MDN1: variants seen among roughly 807,000 people sequenced by gnomAD.
MDN1 encodes the protein midasin AAA ATPase 1.
A neutral mutation model predicts 669.2 loss-of-function variants in MDN1; 266 were observed. That is an observed-to-expected ratio of 0.40 (90% CI 0.36 to 0.44). The LOEUF (loss-of-function observed/expected upper bound fraction) is 0.44, where lower values mean the gene tolerates loss of function less well. Ranked by LOEUF, MDN1 falls within the 20% of genes least tolerant of loss-of-function variation. The pLI, the probability that MDN1 is intolerant of heterozygous loss-of-function variation, is 1.00. For synonymous variants in MDN1, 2,385 were observed against 2,457.1 expected (o/e 0.97, Z 0.87); for missense variants, 5,940 against 6,754.0 (o/e 0.88, Z 4.22).
intron 91 of MDN1, 110 bp downstream of exon 91, chr6:89,656,590 C>CA (rs1439327215): frequency 5.6e-6 from 5 of 896,652 alleles, no homozygotes; most frequent in Non-Finnish European, 6.8e-6. Context: ...GCAACAACAA[C>CA]AAAAAAACCA....
chr6:89,774,170 A>G (rs1342857968), intron 13 of MDN1, among the ~76,000 whole-genome samples: 1 of 152,194 alleles, frequency 6.6e-6, no homozygotes, highest in Non-Finnish European at 1.5e-5. Flanking sequence ...GCCCTAGGAT[A>G]CTAATATATT....
At chr6:89,812,656 A>T (rs1187868518) in intron 1 of MDN1, among the ~76,000 whole-genome samples, 1 of 141,130 alleles carries the variant, frequency 7.1e-6, no homozygotes, top group African/African-American at 2.5e-5. Flanking sequence ...AATTAAAAGG[A>T]TAAGGCAACT....
At chr6:89,727,519 T>C (rs943087434) in intron 37 of MDN1, among the ~76,000 whole-genome samples, 1 of 152,162 alleles carries the variant, frequency 6.6e-6, no homozygotes, top group African/African-American at 2.4e-5. Flanking sequence ...ACGCTATTTA[T>C]AAAATGCCTC....
At chr6:89,713,898 C>T (rs1220956431) in intron 46 of MDN1, among the ~76,000 whole-genome samples, 6 of 151,688 alleles carry the variant, frequency 4.0e-5, no homozygotes, top group East Asian at 1.9e-4. Flanking sequence ...ATTAGCCGGG[C>T]GTGGTGGCAG....
rs187562691 is a variant in MDN1 at position 89,803,727 on chromosome 6, G to T, written c.103-173C>A. Reference sequence around the variant, plus strand: ...CGCCCAAGTAGCTGGGACTACAGGCGCCCGCCACCATACCCGGCTAATTTT... The same window carrying T: ...CGCCCAAGTAGCTGGGACTACAGGCTCCCGCCACCATACCCGGCTAATTTT... On this transcript the variant is annotated intron_variant, in intron 1 of 101. Coordinates refer to ENST00000369393, the MANE Select transcript of MDN1 (RefSeq NM_014611.3). Among the ~76,000 whole-genome samples the T allele has an allele frequency of 3.0e-3, 458 of 151,414 alleles. 3 individuals are homozygous for T. Among genetic ancestry groups the T allele is most frequent in the African/African-American group, 0.011 (441 of 41,250 alleles).
rs144102084 is a variant in MDN1, at chr6:89,793,853, T to C, written c.764A>G (p.Gln255Arg). The part of the protein sequence containing the change: ...WRKQKELQYL[Q>R]GHLVSSDLSP... ...GAGGTCAGACGAAACAAGATGTCCC[T>C]GTAAGTACTGCAGCTCCTTCTGCTT... Residue 255 changes from glutamine (Q) to arginine (R), a missense_variant, in exon 5 of 102, where the codon CAG becomes CGG. This residue lies in a region of MDN1 where 1,203 missense variants were observed against 1,268.9 expected (regional missense o/e 0.95). Transcript: ENST00000369393. The C allele has an allele frequency of 1.5e-5, 25 of 1,614,188 alleles. 1 individual carries two copies. Among genetic ancestry groups the C allele is most frequent in the Admixed American group, 3.3e-5 (2 of 60,024 alleles).
At chr6:89,809,102 A>G (rs1327485119) in intron 1 of MDN1, among the ~76,000 whole-genome samples, 1 of 151,122 alleles carries the variant, frequency 6.6e-6, no homozygotes, top group African/African-American at 2.4e-5. Flanking sequence ...CTGTAATCCC[A>G]GCTACCAGGG....
chr6:89,707,370 A>C lies in MDN1; in HGVS notation c.8005T>G (p.Phe2669Val). ...RESVLRMSFE[F>V]HQDPESYHTL... ...AGGTAAATGTTCTTACCTTGATGGA[A>C]TTCAAAGGACATTCTCAAAACACTC... The change falls in exon 52 of 102, where the codon TTC becomes GTC. Residue 2669 changes from phenylalanine (F) to valine (V), a missense_variant. By Grantham distance (50) the Phe-to-Val change is conservative. Transcript: ENST00000369393. The C allele has an allele frequency of 1.2e-6, 2 of 1,606,646 alleles. No individual in the cohort carries two copies. The highest frequency in any genetic ancestry group is 1.7e-6 in the Non-Finnish European group (2 of 1,173,172).
At position 89,776,692 on chromosome 6, in the gene MDN1, G is replaced by A. The variant is rs1303655234; in HGVS notation, c.1729C>T (p.Leu577=). ...GAAAGCATTGCTGTGAAACAGTCTA[G>A]AGCCTATTAAAATAACCAAGGTAAA... The part of the protein sequence containing the change: ...SASLNIFQEA[L]DCFTAMLSEH... The change falls in exon 12 of 102, where the codon CTA becomes TTA. Residue 577 remains leucine (L), a synonymous_variant. Coordinates refer to ENST00000369393, the MANE Select transcript of MDN1 (RefSeq NM_014611.3). 6.3e-7 allele frequency: 1 copy of A among 1,586,878 alleles called. No individual in the cohort carries two copies. Among genetic ancestry groups the A allele is most frequent in the Non-Finnish European group, 8.6e-7 (1 of 1,166,970 alleles).
intron 55 of MDN1, 24 bp from the exon 56 acceptor site, chr6:89,700,880 G>A (rs748984717): frequency 1.1e-5 from 18 of 1,605,948 alleles, no homozygotes; most frequent in Non-Finnish European, 1.4e-5. Context: ...ACCCACAAGA[G>A]CATACTATAG....
intron 83 of MDN1, among the ~76,000 whole-genome samples, chr6:89,670,155 TA>T (rs1288440085): frequency 6.1e-4 from 14 of 23,100 alleles, no homozygotes; most frequent in African/African-American, 5.2e-4. Flanking sequence ...TATATATATA[TA>T]TATATATATA....
chr6:89,658,752 C>T lies in MDN1; in HGVS notation c.14879G>A (p.Gly4960Glu), dbSNP rs749597241. 3 of 1,614,156 alleles carry T rather than the reference C, an allele frequency of 1.9e-6. No individual in the cohort carries two copies. The South Asian group carries it at 3.3e-5, about 18-fold the overall frequency. The part of the protein sequence containing the change: ...KAEGEEEMDT[G>E]ADDQDGDAAQ... Reference sequence around the variant, plus strand: ...AGCATCTCCATCTTGGTCATCAGCTCCTGTGTCCATTTCCTCTTCCCCTTC... The same window carrying T: ...AGCATCTCCATCTTGGTCATCAGCTTCTGTGTCCATTTCCTCTTCCCCTTC... Residue 4960 changes from glycine (G) to glutamate (E), a missense_variant, in exon 89 of 102, where the codon GGA (glycine) becomes GAA (glutamate). Gly to Glu is a moderately conservative substitution (Grantham distance 98). Transcript: ENST00000369393.
At position 89,745,361 on chromosome 6, in the gene MDN1, C is replaced by T. The variant is rs114853466; in HGVS notation, c.4090G>A (p.Val1364Met). 20 of 1,613,982 alleles carry T rather than the reference C, an allele frequency of 1.2e-5. No homozygotes were observed. Among genetic ancestry groups the T allele is most frequent in the South Asian group, 1.1e-4 (10 of 91,084 alleles). ...AGTCTCCGCATGCCCTCAGTCCACACGATATGGCCAAAGTTACACTCCAAT... is the reference window on the plus strand; with the variant it reads ...AGTCTCCGCATGCCCTCAGTCCACATGATATGGCCAAAGTTACACTCCAAT... ...STLECNFGHI[V>M]WTEGMRRLAM... is the part of the protein sequence containing the mutation. Residue 1364 changes from valine (V) to methionine (M), a missense_variant, in exon 29 of 102, where the codon GTG becomes ATG. Val to Met is a conservative substitution (Grantham distance 21, BLOSUM62 1). Around this residue, in one of 5 missense-constraint regions of MDN1, gnomAD observed 2,292 missense variants for 2,638.3 expected, o/e 0.87. Coordinates refer to ENST00000369393, the MANE Select transcript of MDN1 (RefSeq NM_014611.3).
In MDN1 at chr6:89,807,526, G is replaced by A. The variant is rs1768098239; in HGVS notation, c.103-3972C>T. On this transcript the variant is annotated intron_variant, in intron 1 of 101. Transcript: ENST00000369393. ...ATTTTTAAGATGTTATTTATTACTT[G>A]TTTCTAGCAACTTGATCATGATGTG... Among the ~76,000 whole-genome samples, 3 of 152,070 alleles carry A rather than the reference G, an allele frequency of 2.0e-5. No homozygotes were observed. The South Asian group carries it at 6.2e-4, about 32-fold the overall frequency.
In MDN1 at chr6:89,676,087, G is replaced by A. The variant is rs1346504755; in HGVS notation, c.12645+15C>T. 2 of 1,610,050 alleles carry A rather than the reference G, an allele frequency of 1.2e-6. No individual in the cohort carries two copies. ...TTCCCTGAGCCCCTGCAAGACTCAT[G>A]TTCTATCATTCTACCTTGGCAGGAG... On this transcript the variant is annotated intron_variant, in intron 77 of 101. Coordinates refer to ENST00000369393, the MANE Select transcript of MDN1 (RefSeq NM_014611.3).
At chr6:89,745,104 C>A (rs1816527048) in intron 29 of MDN1, among the ~76,000 whole-genome samples, 169 bp downstream of exon 29, 1 of 141,486 alleles carries the variant, frequency 7.1e-6, no homozygotes, top group Admixed American at 7.5e-5. Context: ...TATCCCTCCC[C>A]CAGCCCCCGA....
Position 89,672,182 on chromosome 6 carries a change from TA to T in MDN1, c.13794+17del. 1 of 1,557,948 alleles carries T rather than the reference TA, an allele frequency of 6.4e-7. No individual in the cohort carries two copies. On this transcript the variant is annotated intron_variant, in intron 82 of 101. Transcript: ENST00000369393. ...TGCATTCTGAAGAGGAAGAAGTTTG[TA>T]AAGAACAGTTAGTTACCAGGTGCTT...
chr6:89,805,569 G>A (rs13193236), intron 1 of MDN1, among the ~76,000 whole-genome samples: 20,658 of 152,106 alleles, frequency 0.14, 1,896 homozygotes, highest in Non-Finnish European at 0.21. Flanking sequence ...AAAGGATGAG[G>A]AGGAGGCTCA....
chr6:89,677,651 G>A lies in MDN1; in HGVS notation c.12458C>T (p.Pro4153Leu), dbSNP rs761955537. Residue 4153 changes from proline (P) to leucine (L), a missense_variant, in exon 76 of 102, where the codon CCT becomes CTT. Physicochemically the swap from Pro to Leu is moderately conservative, Grantham distance 98. Transcript: ENST00000369393. ...KGLAWARSKN[P>L]QEMLHLHPLD... ...TGGGTGAAGATGAAGCATCTCTTGA[G>A]GGTTTTTTGAACGGGCCCAAGCAAG... The A allele has an allele frequency of 6.2e-7, 1 of 1,614,204 alleles. No homozygotes were observed. Among genetic ancestry groups the A allele is most frequent in the Non-Finnish European group, 8.5e-7 (1 of 1,180,030 alleles).
Sources: allele counts gnomAD v4.1 joint callset (sites outside exome capture counted in the v4.1 genomes callset), GRCh38; gene constraint gnomAD v4.1.1; regional missense constraint gnomAD v4.1.1; transcripts MANE v1.5; gene names NCBI Gene and HGNC (gene_info 2026-07-23, HGNC 2026-07-21).